The following RTN4 variants were observed in gnomAD, a reference collection of about 807,000 sequenced individuals.
The protein encoded by RTN4 is reticulon 4.
Under a neutral mutation model 90.4 loss-of-function variants are expected in RTN4, and 32 were observed. That is an observed-to-expected ratio of 0.35 (90% CI 0.27 to 0.48). The LOEUF (loss-of-function observed/expected upper bound fraction) is 0.48. RTN4 is among the 20% of genes least tolerant of loss of function. RTN4 has a pLI of 0.99. For missense variants in RTN4, 1,706 were observed against 1,430.2 expected (o/e 1.19, Z -3.11); for synonymous variants, 629 against 552.5 (o/e 1.14, Z -1.94).
At chr2:54,981,010 G>A (rs980137907) in intron 5 of RTN4, among the ~76,000 whole-genome samples, 4 of 152,198 alleles carry the variant, frequency 2.6e-5, no homozygotes, top group East Asian at 1.9e-4. Context: ...CAACATAACC[G>A]TAATCTTTTT....
chr2:54,983,820 A>G (rs1197003615), intron 4 of RTN4, among the ~76,000 whole-genome samples: 6 of 152,226 alleles, frequency 3.9e-5, no homozygotes, highest in Non-Finnish European at 8.8e-5. Flanking sequence ...ACCTAGCTAT[A>G]CAACATTGCA....
chr2:55,030,088 C>T (rs1408915515), intron 1 of RTN4, among the ~76,000 whole-genome samples: 5 of 152,028 alleles, frequency 3.3e-5, no homozygotes, highest in Admixed American at 6.6e-5. Context: ...TAGTTAAAAG[C>T]CACTAATTCA....
At chr2:55,015,698 G>A (rs2104813753) in intron 3 of RTN4, among the ~76,000 whole-genome samples, 1 of 152,298 alleles carries the variant, frequency 6.6e-6, no homozygotes. Context: ...ACCTAGTACA[G>A]AATGTCCAGA....
intron 1 of RTN4, among the ~76,000 whole-genome samples, chr2:55,109,487 T>C (rs1232570198): frequency 6.6e-6 from 1 of 152,090 alleles, no homozygotes; most frequent in Non-Finnish European, 1.5e-5. Flanking sequence ...TAGGTAGGCC[T>C]TGAATAGAAA....
chr2:55,038,598 T>C (rs2104928160), intron 1 of RTN4, among the ~76,000 whole-genome samples: 1 of 152,308 alleles, frequency 6.6e-6, no homozygotes, highest in East Asian at 1.9e-4. Flanking sequence ...CTAAAATGGT[T>C]AGAATTTAAA....
At chr2:55,028,321 AC>A in intron 1 of RTN4, 101 bp from the exon 2 acceptor site, 4 of 1,002,302 alleles carry the variant, frequency 4.0e-6, no homozygotes, top group Non-Finnish European at 5.8e-6. Context: ...TAATAAGTTA[AC>A]AAAAAACTTT....
intron 3 of RTN4, among the ~76,000 whole-genome samples, chr2:54,989,644 G>A (rs1414929309): frequency 6.6e-6 from 1 of 152,186 alleles, no homozygotes; most frequent in East Asian, 1.9e-4. Flanking sequence ...ATTCTTGAAG[G>A]TCTTGTCCAA....
chr2:55,014,243 A>G (rs568912109), intron 3 of RTN4, among the ~76,000 whole-genome samples: 1 of 152,270 alleles, frequency 6.6e-6, no homozygotes, highest in South Asian at 2.1e-4. Flanking sequence ...TAGCAAAACA[A>G]CGAGCATTTT....
chr2:55,061,607 A>G (rs1362765091), intron 2 of RTN4, among the ~76,000 whole-genome samples: 5 of 152,240 alleles, frequency 3.3e-5, no homozygotes, highest in African/African-American at 1.2e-4. Context: ...AGACAGAAAC[A>G]GGAACAATTC....
chr2:55,105,573 T>G (rs1667929990), intron 1 of RTN4, among the ~76,000 whole-genome samples: 1 of 152,114 alleles, frequency 6.6e-6, no homozygotes, highest in Non-Finnish European at 1.5e-5. Flanking sequence ...TGTATATTGT[T>G]ACTGACCCTT....
At chr2:55,047,064 T>C (rs1265800866) in intron 1 of RTN4, among the ~76,000 whole-genome samples, 8 of 152,202 alleles carry the variant, frequency 5.3e-5, no homozygotes, top group Non-Finnish European at 1.0e-4. Context: ...CAGTGGCTCA[T>C]GCCTGTAATC....
In RTN4 at chr2:55,025,753, A is replaced by G. The variant is rs1288407754; in HGVS notation, c.2346T>C (p.Tyr782=). 1 of 1,613,350 alleles carries G rather than the reference A, an allele frequency of 6.2e-7. No individual in the cohort carries two copies. The highest frequency in any genetic ancestry group is 8.5e-7 in the Non-Finnish European group (1 of 1,179,720). The part of the protein sequence containing the change: ...TETSFESMIE[Y]ENKEKLSALP... ...AAGCACTGAGTTTTTCCTTATTTTC[A>G]TATTCTATCATTGACTCAAATGAAG... is the stretch of plus-strand genomic sequence containing the variant. The change falls in exon 3 of 9, where the codon TAT becomes TAC. Residue 782 remains tyrosine, a synonymous_variant. Coordinates refer to ENST00000337526, the MANE Select transcript of RTN4 (RefSeq NM_020532.5).
chr2:55,137,333 G>T, the RTN4 span, among the ~76,000 whole-genome samples: 11 of 152,216 alleles, frequency 7.2e-5, no homozygotes, highest in Non-Finnish European at 1.2e-4. Context: ...GAGGGGGCCA[G>T]CCATGCCGTG....
At chr2:54,992,847 A>G (rs1374357265) in intron 3 of RTN4, among the ~76,000 whole-genome samples, 1 of 152,046 alleles carries the variant, frequency 6.6e-6, no homozygotes, top group African/African-American at 2.4e-5. Context: ...AGGCAGGTGG[A>G]TCATGAGGTC....
chr2:55,132,700 G>T, the RTN4 span, among the ~76,000 whole-genome samples: 2 of 150,306 alleles, frequency 1.3e-5, no homozygotes, highest in African/African-American at 2.5e-5. Flanking sequence ...TGCAATTCTA[G>T]CTACTTGAGA....
the RTN4 span, among the ~76,000 whole-genome samples, chr2:55,121,916 A>G: frequency 6.6e-6 from 1 of 152,126 alleles, no homozygotes; most frequent in Non-Finnish European, 1.5e-5. Flanking sequence ...GAAAAACAAA[A>G]AGATTGCTAG....
the RTN4 span, among the ~76,000 whole-genome samples, chr2:55,133,528 G>C: frequency 1.3e-5 from 2 of 152,094 alleles, no homozygotes; most frequent in East Asian, 3.9e-4. Context: ...TGCCCACACC[G>C]GTATGTGTTC....
intron 5 of RTN4, among the ~76,000 whole-genome samples, chr2:54,980,208 C>G (rs1256385877): frequency 6.6e-6 from 1 of 152,102 alleles, no homozygotes; most frequent in Non-Finnish European, 1.5e-5. Flanking sequence ...TAAGATTTAA[C>G]AAAGAAATTA....
rs755898216 is a variant in RTN4 at position 54,972,396 on chromosome 2, ACAGT to A, written c.*756_*759del. The A allele has an allele frequency of 2.0e-5, 3 of 150,870 alleles. No individual in the cohort carries two copies. Among genetic ancestry groups the A allele is most frequent in the Non-Finnish European group, 4.4e-5 (3 of 67,442 alleles). 9.3% of individuals were successfully genotyped at this position (150,870 alleles called of 1,614,324 possible). A position where few individuals can be genotyped will look rare whatever the true frequency, so the allele number is the denominator to read the frequency against. Reference sequence around the variant, plus strand: ...CATAGATTCTGTGACAAAATTAACTACAGTCAGTCTGTGCAATGAAATTGATGTT... The same window carrying A: ...CATAGATTCTGTGACAAAATTAACTACAGTCTGTGCAATGAAATTGATGTT... On this transcript the variant is annotated 3_prime_UTR_variant, in exon 9 of 9. Transcript: ENST00000337526.
Sources: gnomAD v4.1 joint callset for allele counts (sites outside exome capture counted in the v4.1 genomes callset) on GRCh38, gnomAD v4.1.1 for gene constraint, MANE v1.5 for transcripts, NCBI Gene and HGNC (gene_info 2026-07-23, HGNC 2026-07-21) for gene names.